The following NUBPL variants were observed in gnomAD, a reference collection of about 807,000 sequenced individuals.
The protein encoded by NUBPL is NUBP iron-sulfur cluster assembly factor, mitochondrial, also known as iron-sulfur cluster transfer protein NUBPL.
In NUBPL, 31 loss-of-function variants were observed where a neutral mutation model predicts 45.7. That is an observed-to-expected ratio of 0.68 (90% CI 0.51 to 0.92). The LOEUF (loss-of-function observed/expected upper bound fraction) is 0.92. Among genes scored for constraint, NUBPL ranks in the 40% least tolerant of loss-of-function variants. NUBPL has a pLI of 0.00. For synonymous variants in NUBPL, 144 were observed against 140.9 expected (o/e 1.02, Z -0.15); for missense variants, 401 against 398.7 (o/e 1.01, Z -0.05).
intron 6 of NUBPL, among the ~76,000 whole-genome samples, chr14:31,749,471 G>A (rs1287489944): frequency 6.6e-6 from 1 of 152,078 alleles, no homozygotes; most frequent in African/African-American, 2.4e-5. Flanking sequence ...GCTGGGTATA[G>A]TATTCTTGTT....
At chr14:31,786,151 C>T (rs2039279530) in intron 6 of NUBPL, among the ~76,000 whole-genome samples, 1 of 149,416 alleles carries the variant, frequency 6.7e-6, no homozygotes, top group Admixed American at 6.6e-5. Context: ...GAGCGAGACC[C>T]TGTCACAAAA....
At chr14:31,561,734 G>A (rs917338370) in intron 1 of NUBPL, 187 bp downstream of exon 1, 2 of 565,718 alleles carry the variant, frequency 3.5e-6, no homozygotes. Context: ...CAGTTAGAAC[G>A]TAGATGTGGT....
intron 6 of NUBPL, among the ~76,000 whole-genome samples, chr14:31,680,687 G>C (rs995060973): frequency 6.6e-6 from 1 of 151,386 alleles, no homozygotes; most frequent in Admixed American, 6.6e-5. Context: ...ATAAAGTGGT[G>C]AATGTGGTAT....
chr14:31,608,856 G>A lies in NUBPL; in HGVS notation c.382+9477G>A, dbSNP rs902308890. Reference sequence around the variant, plus strand: ...CAGACTGGTACTGGTTTGCGGCCTGGGGGTTGGGGACCCCTGGGTTATCAG... The same window carrying A: ...CAGACTGGTACTGGTTTGCGGCCTGAGGGTTGGGGACCCCTGGGTTATCAG... On this transcript the variant is annotated intron_variant, in intron 4 of 10. Coordinates refer to ENST00000281081, the MANE Select transcript of NUBPL (RefSeq NM_025152.3). Among the ~76,000 whole-genome samples, 13 of 152,224 alleles carry A rather than the reference G, an allele frequency of 8.5e-5. No homozygotes were observed. The East Asian group carries it at 2.5e-3, about 29-fold the overall frequency.
chr14:31,734,699 C>A (rs559396042), intron 6 of NUBPL, among the ~76,000 whole-genome samples: 8 of 151,930 alleles, frequency 5.3e-5, no homozygotes, highest in Non-Finnish European at 8.8e-5. Context: ...TATGAGTTTT[C>A]CCCTACATAA....
chr14:31,828,201 C>G (rs2040135229), intron 8 of NUBPL, among the ~76,000 whole-genome samples: 1 of 152,174 alleles, frequency 6.6e-6, no homozygotes, highest in Non-Finnish European at 1.5e-5. Flanking sequence ...ACCGAAAACT[C>G]TCTCTAAAGC....
chr14:31,822,811 ATGT>A (rs1406327799), intron 7 of NUBPL, among the ~76,000 whole-genome samples: 1 of 152,146 alleles, frequency 6.6e-6, no homozygotes, highest in Non-Finnish European at 1.5e-5. Context: ...TCCTTGTCAA[ATGT>A]TGTTATTAAT....
At chr14:31,609,358 A>G (rs552974969) in intron 4 of NUBPL, among the ~76,000 whole-genome samples, 4 of 152,354 alleles carry the variant, frequency 2.6e-5, no homozygotes, top group South Asian at 2.1e-4. Flanking sequence ...AAAGGGGTCA[A>G]TGCAGCAAGA....
At chr14:31,762,481 A>G (rs1204969526) in intron 6 of NUBPL, among the ~76,000 whole-genome samples, 1 of 152,206 alleles carries the variant, frequency 6.6e-6, no homozygotes, top group East Asian at 1.9e-4. Context: ...ATATTCTAGT[A>G]TAGAACCCAA....
At position 31,825,692 on chromosome 14, in the gene NUBPL, CTT is replaced by C. The variant is rs1228441517; in HGVS notation, c.608-935_608-934del. ...TTTCTTTTTTTCTCTTTCTTTTGTT[CTT>C]TCTTCTTCATCTTCCTCTTTTTCCT... On this transcript the variant is annotated intron_variant, in intron 7 of 10. Transcript: ENST00000281081. 3.1e-4 allele frequency among the ~76,000 whole-genome samples: 41 copies of C among 133,114 alleles called. No individual in the cohort carries two copies. The South Asian group carries it at 9.4e-3, about 30-fold the overall frequency. 87.3% of individuals were successfully genotyped at this position (133,114 alleles called of 152,430 possible). A position where few individuals can be genotyped will look rare whatever the true frequency, so the allele number is the denominator to read the frequency against.
In NUBPL at chr14:31,814,092, C is replaced by A. The variant is rs567968528; in HGVS notation, c.608-12537C>A. 1.1e-4 allele frequency among the ~76,000 whole-genome samples: 16 copies of A among 152,294 alleles called. 1 individual carries two copies. The highest frequency in any genetic ancestry group is 4.1e-4 in the South Asian group (2 of 4,826). Reference sequence around the variant, plus strand: ...GTCAATGGTATTTCTGGTTCTAGATCCTTGAGGAATCCCCACACTGTCTTC... The same window carrying A: ...GTCAATGGTATTTCTGGTTCTAGATACTTGAGGAATCCCCACACTGTCTTC... On this transcript the variant is annotated intron_variant, in intron 7 of 10. Transcript: ENST00000281081.
chr14:31,775,427 A>G (rs1382199084), intron 6 of NUBPL, among the ~76,000 whole-genome samples: 6 of 152,178 alleles, frequency 3.9e-5, no homozygotes, highest in Non-Finnish European at 8.8e-5. Context: ...TCAAAAAAGC[A>G]AAACAAAACA....
intron 10 of NUBPL, 56 bp downstream of exon 10, chr14:31,850,257 C>T: frequency 7.4e-7 from 1 of 1,349,374 alleles, no homozygotes; most frequent in Middle Eastern, 2.2e-4. Flanking sequence ...TTTTGAAATA[C>T]AGAAAGAAAG....
chr14:31,589,627 A>G (rs1024194080), intron 3 of NUBPL, among the ~76,000 whole-genome samples: 1 of 152,118 alleles, frequency 6.6e-6, no homozygotes, highest in Non-Finnish European at 1.5e-5. Flanking sequence ...CCAATCTTCT[A>G]TTAGGTATTT....
At chr14:31,646,183 G>C (rs961437173) in intron 4 of NUBPL, among the ~76,000 whole-genome samples, 15 of 151,768 alleles carry the variant, frequency 9.9e-5, no homozygotes, top group Non-Finnish European at 1.8e-4. Flanking sequence ...TCCCTTCCCT[G>C]CCCTTCCCCC....
intron 6 of NUBPL, among the ~76,000 whole-genome samples, chr14:31,717,429 A>G (rs930553950): frequency 9.2e-5 from 14 of 152,164 alleles, no homozygotes; most frequent in Non-Finnish European, 1.0e-4. Flanking sequence ...CAGGGCCTTT[A>G]TACATGCTGC....
intron 6 of NUBPL, among the ~76,000 whole-genome samples, chr14:31,701,668 G>A (rs1016961376): frequency 6.6e-6 from 1 of 152,156 alleles, no homozygotes; most frequent in Non-Finnish European, 1.5e-5. Flanking sequence ...ACCTTTAAGA[G>A]CTGTAACACT....
At chr14:31,813,678 T>C (rs2039860241) in intron 7 of NUBPL, among the ~76,000 whole-genome samples, 1 of 152,078 alleles carries the variant, frequency 6.6e-6, no homozygotes, top group African/African-American at 2.4e-5. Context: ...TAATGCTATC[T>C]CTCCCCTGGC....
At chr14:31,824,347 G>A (rs983220609) in intron 7 of NUBPL, among the ~76,000 whole-genome samples, 6 of 151,856 alleles carry the variant, frequency 4.0e-5, no homozygotes, top group African/African-American at 1.5e-4. Flanking sequence ...GTAATGAATA[G>A]GCCCTCCTTC....
Sources: gnomAD v4.1 joint callset for allele counts (sites outside exome capture counted in the v4.1 genomes callset) on GRCh38, gnomAD v4.1.1 for gene constraint, MANE v1.5 for transcripts, NCBI Gene and HGNC (gene_info 2026-07-23, HGNC 2026-07-21) for gene names.